Variants in PAK1 observed in about 807,000 individuals in gnomAD.
PAK1 encodes the protein p21 (RAC1) activated kinase 1.
Under a neutral mutation model 67.4 loss-of-function variants are expected in PAK1, and 29 were observed. The ratio of observed to expected loss-of-function variants is 0.43; its 90% CI spans 0.32 to 0.59. The LOEUF (loss-of-function observed/expected upper bound fraction) is 0.59. Among genes scored for constraint, PAK1 ranks in the 20% least tolerant of loss-of-function variants. PAK1 has a pLI of 0.07. For synonymous variants in PAK1, 223 were observed against 237.4 expected (o/e 0.94, Z 0.56); for missense variants, 337 against 670.7 (o/e 0.50, Z 5.50).
At chr11:77,410,512 A>T (rs566223698) in intron 1 of PAK1, among the ~76,000 whole-genome samples, 2 of 152,306 alleles carry the variant, frequency 1.3e-5, no homozygotes, top group South Asian at 4.1e-4. Context: ...AGGTCTCTAC[A>T]AACCAGTAAC....
At chr11:77,474,236 TCCGGTGGAG>T (rs1315187313), upstream of PAK1, 1 of 150,742 alleles carries the variant, frequency 6.6e-6, no homozygotes. Flanking sequence ...CGGCTGCGGC[TCCGGTGGAG>T]CCGTGCCCGC....
chr11:77,326,842 C>T (rs1175725376), intron 14 of PAK1, among the ~76,000 whole-genome samples: 3 of 151,876 alleles, frequency 2.0e-5, no homozygotes, highest in African/African-American at 4.8e-5. Context: ...CTCTGAGCTA[C>T]AGGAGGAAAT....
the PAK1 span, among the ~76,000 whole-genome samples, chr11:77,490,555 G>C: frequency 6.6e-6 from 1 of 151,522 alleles, no homozygotes; most frequent in East Asian, 2.0e-4. Context: ...GAGGTGAGGG[G>C]CGTCTCTGCC....
intron 9 of PAK1, among the ~76,000 whole-genome samples, chr11:77,346,425 C>T (rs1056203213): frequency 6.6e-6 from 1 of 152,198 alleles, no homozygotes; most frequent in African/African-American, 2.4e-5. Context: ...CTGTCACTTA[C>T]TGACCTTGAC....
chr11:77,456,850 T>C (rs1180961006), intron 1 of PAK1, among the ~76,000 whole-genome samples: 1 of 152,114 alleles, frequency 6.6e-6, no homozygotes, highest in African/African-American at 2.4e-5. Flanking sequence ...CATGCCGTTT[T>C]TCTGCCTCAG....
intron 14 of PAK1, among the ~76,000 whole-genome samples, chr11:77,328,831 TAATG>T (rs1427560263): frequency 6.6e-6 from 1 of 151,894 alleles, no homozygotes; most frequent in Non-Finnish European, 1.5e-5. Flanking sequence ...TTCAAAAAAT[TAATG>T]AATCCAGGAG....
rs1055092594 is a variant in PAK1, at chr11:77,389,978, A to G, written c.190+2353T>C. ...ATGTAGACACTTGGGCTGAAAGCCT[A>G]TTTATAGAGATCAAGAACACTGGTT... On this transcript the variant is annotated intron_variant, in intron 2 of 14. Coordinates refer to ENST00000356341, the MANE Select transcript of PAK1 (RefSeq NM_002576.5). Among the ~76,000 whole-genome samples the G allele has an allele frequency of 2.6e-5, 4 of 152,244 alleles. No individual in the cohort carries two copies. In the South Asian group the frequency reaches 6.2e-4, roughly 24 times the overall value.
intron 1 of PAK1, among the ~76,000 whole-genome samples, chr11:77,454,198 G>C (rs1021752165): frequency 6.6e-6 from 1 of 152,088 alleles, no homozygotes; most frequent in East Asian, 1.9e-4. Flanking sequence ...CCATTTAATT[G>C]TCTCAACACC....
chr11:77,463,451 T>C (rs1330789176), intron 1 of PAK1, among the ~76,000 whole-genome samples: 2 of 152,072 alleles, frequency 1.3e-5, no homozygotes, highest in African/African-American at 4.8e-5. Flanking sequence ...TACAGGAAAA[T>C]TTTTATGAAA....
At chr11:77,432,634 G>C (rs983054056) in intron 1 of PAK1, among the ~76,000 whole-genome samples, 1 of 152,050 alleles carries the variant, frequency 6.6e-6, no homozygotes, top group African/African-American at 2.4e-5. Context: ...CTCCTGCCTA[G>C]GTGGCGGAAT....
chr11:77,406,806 A>G (rs776080898), intron 1 of PAK1, among the ~76,000 whole-genome samples: 42 of 152,170 alleles, frequency 2.8e-4, no homozygotes, highest in Non-Finnish European at 4.4e-5. Flanking sequence ...GTAGACACCC[A>G]GTATCAACAC....
At chr11:77,349,978 AT>A (rs1945010870) in intron 8 of PAK1, among the ~76,000 whole-genome samples, 1 of 152,146 alleles carries the variant, frequency 6.6e-6, no homozygotes, top group Admixed American at 6.5e-5. Flanking sequence ...CTTTTTGAAA[AT>A]TCATTGAGTT....
the PAK1 span, among the ~76,000 whole-genome samples, chr11:77,506,645 T>C: frequency 6.6e-6 from 1 of 151,994 alleles, no homozygotes; most frequent in African/African-American, 2.4e-5. Flanking sequence ...TTGGTGACAA[T>C]ACAGGAAAAA....
chr11:77,369,495 T>G (rs1948122419), intron 5 of PAK1, among the ~76,000 whole-genome samples: 1 of 148,250 alleles, frequency 6.7e-6, no homozygotes. Context: ...TCACCCAGGT[T>G]GGAGGGCAGT....
At chr11:77,346,507 T>C (rs1313527082) in intron 9 of PAK1, among the ~76,000 whole-genome samples, 1 of 152,194 alleles carries the variant, frequency 6.6e-6, no homozygotes, top group Non-Finnish European at 1.5e-5. Context: ...GATTCCCCTC[T>C]TTTCAGGATT....
chr11:77,396,189 GA>G (rs1304014080), intron 1 of PAK1, among the ~76,000 whole-genome samples: 1 of 152,172 alleles, frequency 6.6e-6, no homozygotes, highest in African/African-American at 2.4e-5. Flanking sequence ...CACTTTCAAA[GA>G]GATTCCATTA....
chr11:77,471,896 T>A (rs1957874331), intron 1 of PAK1, among the ~76,000 whole-genome samples: 1 of 152,168 alleles, frequency 6.6e-6, no homozygotes, highest in African/African-American at 2.4e-5. Context: ...CTGTTATGGA[T>A]GAGGCAGGTC....
At chr11:77,459,729 TTCACCCAGGCCGGACTGCAG>T (rs1957240618) in intron 1 of PAK1, among the ~76,000 whole-genome samples, 1 of 150,328 alleles carries the variant, frequency 6.7e-6, no homozygotes, top group Non-Finnish European at 1.5e-5. Flanking sequence ...GTCTCGCTCT[TTCACCCAGGCCGGACTGCAG>T]TGGCGCGATC....
intron 1 of PAK1, among the ~76,000 whole-genome samples, chr11:77,415,976 G>GTAT (rs71043573): frequency 0.1 from 14,997 of 147,362 alleles, 2,558 homozygotes; most frequent in African/African-American, 0.36. Flanking sequence ...TGTATTCTTT[G>GTAT]TATTATTATT....
Sources: allele counts gnomAD v4.1 joint callset (sites outside exome capture counted in the v4.1 genomes callset), GRCh38; gene constraint gnomAD v4.1.1; transcripts MANE v1.5; gene names NCBI Gene and HGNC (gene_info 2026-07-23, HGNC 2026-07-21).